Variants in KNTC1 observed in about 807,000 individuals in gnomAD.
KNTC1 encodes kinetochore associated 1, also known as kinetochore-associated protein 1.
KNTC1 carries 253 observed loss-of-function variants against 314.4 expected under a neutral mutation model. That is an observed-to-expected ratio of 0.80 (90% CI 0.73 to 0.89). KNTC1 has a LOEUF of 0.89. KNTC1 is among the 40% of genes least tolerant of loss of function. The pLI is 0.00. For missense variants in KNTC1, 2,475 were observed against 2,572.9 expected (o/e 0.96, Z 0.82); for synonymous variants, 901 against 901.4 (o/e 1.00, Z 0.01).
intron 44 of KNTC1, among the ~76,000 whole-genome samples, chr12:122,599,888 C>T (rs951450627): frequency 1.3e-5 from 2 of 152,084 alleles, no homozygotes; most frequent in East Asian, 3.9e-4. Flanking sequence ...CCTAGTAGTA[C>T]GTGCCTGCAG....
intron 46 of KNTC1, 33 bp from the exon 47 acceptor site, chr12:122,602,796 A>G (rs748821737): frequency 1.2e-6 from 2 of 1,610,944 alleles, no homozygotes; most frequent in Non-Finnish European, 1.7e-6. Context: ...TTTTTTTCTT[A>G]AGCAAATCGT....
At position 122,620,467 on chromosome 12, in the gene KNTC1, T is replaced by C; in HGVS notation, c.6150-12T>C. 1 of 1,609,212 alleles carries C rather than the reference T, an allele frequency of 6.2e-7. No individual in the cohort carries two copies. Among genetic ancestry groups the C allele is most frequent in the Non-Finnish European group, 8.5e-7 (1 of 1,177,006 alleles). ...TGCCAGATTATTAACTAATTAATGT[T>C]CTCTCTCGAAGATGTCCAGTCTCAG... On this transcript the variant is annotated splice_polypyrimidine_tract_variant and intron_variant, in intron 59 of 63. Coordinates refer to ENST00000333479, the MANE Select transcript of KNTC1 (RefSeq NM_014708.6).
chr12:122,528,214 A>G (rs1427691718), intron 1 of KNTC1, among the ~76,000 whole-genome samples: 1 of 152,110 alleles, frequency 6.6e-6, no homozygotes, highest in Non-Finnish European at 1.5e-5. Flanking sequence ...TGAGACCCAT[A>G]AAGGTATTCA....
intron 2 of KNTC1, among the ~76,000 whole-genome samples, chr12:122,532,391 T>C (rs1961427654): frequency 6.6e-6 from 1 of 151,764 alleles, no homozygotes; most frequent in Admixed American, 6.6e-5. Flanking sequence ...GTGTTTTTAG[T>C]AGAGATGAGG....
At chr12:122,600,273 A>G (rs1013337646) in intron 44 of KNTC1, among the ~76,000 whole-genome samples, 1 of 151,932 alleles carries the variant, frequency 6.6e-6, no homozygotes, top group South Asian at 2.1e-4. Context: ...TAATTTTTGT[A>G]TTTTTAATAG....
At chr12:122,599,760 C>T (rs1463622865) in intron 44 of KNTC1, among the ~76,000 whole-genome samples, 1 of 152,194 alleles carries the variant, frequency 6.6e-6, no homozygotes, top group Non-Finnish European at 1.5e-5. Context: ...AATATTTCAT[C>T]TTCCCACTTT....
intron 42 of KNTC1, among the ~76,000 whole-genome samples, chr12:122,592,133 T>C (rs1234540762): frequency 1.3e-5 from 2 of 151,138 alleles, no homozygotes; most frequent in African/African-American, 2.5e-5. Flanking sequence ...CGGCCGGCCC[T>C]GCCGGCCCCG....
intron 31 of KNTC1, among the ~76,000 whole-genome samples, chr12:122,578,786 G>GT (rs903131006): frequency 6.6e-6 from 1 of 152,016 alleles, no homozygotes; most frequent in African/African-American, 2.4e-5. Context: ...TTTCAGTAAT[G>GT]TTTTTTGCTG....
At chr12:122,544,644 A>T (rs1163156725) in intron 8 of KNTC1, among the ~76,000 whole-genome samples, 2 of 152,222 alleles carry the variant, frequency 1.3e-5, no homozygotes, top group African/African-American at 4.8e-5. Flanking sequence ...AATTATGGTC[A>T]TCATAGTTTT....
Position 122,575,879 on chromosome 12 carries a change from C to T in KNTC1, c.2566C>T (p.Leu856Phe), listed in dbSNP as rs762268029. The change falls in exon 29 of 64, where the codon CTC becomes TTC. Residue 856 changes from leucine to phenylalanine, a missense_variant. Leu to Phe is a conservative substitution (Grantham distance 22). Coordinates refer to ENST00000333479, the MANE Select transcript of KNTC1 (RefSeq NM_014708.6). The part of the protein sequence containing the change: ...LRGYGIREVN[L>F]LNKEIMRVVR... ...AGGCTATGGAATAAGAGAGGTAAAT[C>T]TCTTAAACAAGGAAATAATGGTAAG... 1 of 1,611,930 alleles carries T rather than the reference C, an allele frequency of 6.2e-7. No individual in the cohort carries two copies. The highest frequency in any genetic ancestry group is 8.5e-7 in the Non-Finnish European group (1 of 1,179,308).
In KNTC1 at chr12:122,601,594, A is replaced by G. The variant is rs896655166; in HGVS notation, c.4622A>G (p.Asp1541Gly). 1 of 1,537,424 alleles carries G rather than the reference A, an allele frequency of 6.5e-7. No individual in the cohort carries two copies. Among genetic ancestry groups the G allele is most frequent in the East Asian group, 2.5e-5 (1 of 40,456 alleles). The change falls in exon 45 of 64, where the codon GAT (aspartate) becomes GGT (glycine). Residue 1541 changes from aspartate (D) to glycine (G), a missense_variant. Transcript: ENST00000333479. ...EVVLKVIERA[D>G]EKITNININQ... ...GTCTTGAAAGTTATAGAACGAGCTG[A>G]TGAAAAGATAACCAATATTAATATT... is the stretch of plus-strand genomic sequence containing the variant.
chr12:122,557,259 T>C, intron 16 of KNTC1, 125 bp from the exon 17 acceptor site: 1 of 843,376 alleles, frequency 1.2e-6, no homozygotes, highest in Non-Finnish European at 1.8e-6. Flanking sequence ...TTAAATCTCA[T>C]TCCTGGAGCG....
chr12:122,581,046 T>C (rs1007635015), intron 33 of KNTC1, among the ~76,000 whole-genome samples: 19 of 150,212 alleles, frequency 1.3e-4, no homozygotes, highest in African/African-American at 4.6e-4. Flanking sequence ...AAAAAAAAAG[T>C]TTTTTGCACT....
Position 122,582,715 on chromosome 12 carries a change from A to G in KNTC1, c.2993A>G (p.Glu998Gly). ...TTACCTTTGCTACAGGAGAACTTTG[A>G]GGTCTTTCTTTCATTTGAAGATTAT... The part of the protein sequence containing the change: ...KEVASLQENF[E>G]VFLSFEDYSN... The change falls in exon 34 of 64, where the codon GAG (glutamate) becomes GGG (glycine). Residue 998 changes from glutamate to glycine, a missense_variant. Transcript: ENST00000333479. The G allele has an allele frequency of 6.3e-7, 1 of 1,599,518 alleles. No homozygotes were observed. The highest frequency in any genetic ancestry group is 2.2e-5 in the East Asian group (1 of 44,584).
intron 51 of KNTC1, among the ~76,000 whole-genome samples, chr12:122,606,222 C>CTTTTT (rs34344479): frequency 4.6e-5 from 5 of 109,782 alleles, no homozygotes; most frequent in South Asian, 6.0e-4. Context: ...AGATTGTTTA[C>CTTTTT]TTTTTTTTTT....
In KNTC1 at chr12:122,586,711, A is replaced by G; in HGVS notation, c.3684A>G (p.Arg1228=). 6.8e-7 allele frequency: 1 copy of G among 1,480,754 alleles called. No individual in the cohort carries two copies. The highest frequency in any genetic ancestry group is 9.1e-7 in the Non-Finnish European group (1 of 1,103,248). 91.7% of individuals were successfully genotyped at this position (1,480,754 alleles called of 1,614,324 possible). The change falls in exon 38 of 64, where the codon AGA becomes AGG. Residue 1228 remains arginine, a synonymous_variant. Transcript: ENST00000333479. ...SSLVPLAESK[R]YPLESTSLPY... ...TATTATCTTTTGTAGAAAGCAAGAG[A>G]TATCCCTTGGAGTCTACCAGTTTGC...
At chr12:122,615,138 G>A (rs1264025524) in intron 56 of KNTC1, 52 bp downstream of exon 56, 3 of 1,266,260 alleles carry the variant, frequency 2.4e-6, no homozygotes, top group South Asian at 1.3e-5. Context: ...CTTTTGCACA[G>A]CATCCCCTAA....
intron 37 of KNTC1, 144 bp from the exon 38 acceptor site, chr12:122,586,557 G>A (rs1869337109): frequency 3.7e-6 from 1 of 271,962 alleles, no homozygotes; most frequent in Admixed American, 5.3e-5. Flanking sequence ...GCTGTGTGAG[G>A]GTTATTTATT....
intron 26 of KNTC1, among the ~76,000 whole-genome samples, chr12:122,573,572 C>T (rs927984902): frequency 4.6e-5 from 7 of 151,996 alleles, no homozygotes; most frequent in Admixed American, 1.3e-4. Context: ...GAAGTCCTGA[C>T]GACATGTACC....
Sources: gnomAD v4.1 joint callset for allele counts (sites outside exome capture counted in the v4.1 genomes callset) on GRCh38, gnomAD v4.1.1 for gene constraint, MANE v1.5 for transcripts, NCBI Gene and HGNC (gene_info 2026-07-23, HGNC 2026-07-21) for gene names.